GPR31: variants seen among roughly 807,000 people sequenced by gnomAD.
GPR31 encodes G protein-coupled receptor 31.
For synonymous variants in GPR31, 209 were observed against 183.8 expected (o/e 1.14, Z -1.11); for missense variants, 394 against 400.5 (o/e 0.98, Z 0.14).
Position 167,156,462 on chromosome 6 carries a change from G to T in GPR31, c.*410C>A. 6.3e-6 allele frequency: 1 copy of T among 158,500 alleles called. No homozygotes were observed. Among genetic ancestry groups the T allele is most frequent in the Non-Finnish European group, 1.4e-5 (1 of 72,622 alleles). The allele number at this position is 158,500 out of a possible 1,614,324, so 9.8% of individuals were successfully genotyped here. A position where few individuals can be genotyped will look rare whatever the true frequency, so the allele number is the denominator to read the frequency against. Reference sequence around the variant, plus strand: ...TTTTTTTTTTGTATTTAAAACTGAAGCATAATAAATGAAAATGACTTGCTG... The same window carrying T: ...TTTTTTTTTTGTATTTAAAACTGAATCATAATAAATGAAAATGACTTGCTG... On this transcript the variant is annotated 3_prime_UTR_variant, in exon 1 of 1. Transcript: ENST00000366834. This position sits in a 1 kb window ranked among gnomAD's most constrained non-coding sequence, Gnocchi z 4.5.
Position 167,157,901 on chromosome 6 carries a change from A to G in GPR31, c.-70T>C, listed in dbSNP as rs1782085983. The G allele has an allele frequency of 6.8e-6, 10 of 1,467,850 alleles. No homozygotes were observed. Among genetic ancestry groups the G allele is most frequent in the African/African-American group, 1.4e-5 (1 of 70,292 alleles). The allele number at this position is 1,467,850 out of a possible 1,614,324, so 90.9% of individuals were successfully genotyped here. A position where few individuals can be genotyped will look rare whatever the true frequency, so the allele number is the denominator to read the frequency against. On this transcript the variant is annotated 5_prime_UTR_variant, in exon 1 of 1. Coordinates refer to ENST00000366834, the MANE Select transcript of GPR31 (RefSeq NM_005299.3). ...GAGGAACTCTGTGCTCTTTCTTACA[A>G]AATGAAAGAAAAGGCCTTTTCCTGC... is the stretch of plus-strand genomic sequence containing the variant.
rs1433894146 is a variant in GPR31 at position 167,157,636 on chromosome 6, A to G, written c.196T>C (p.Cys66Arg). 6.2e-7 allele frequency: 1 copy of G among 1,613,710 alleles called. No homozygotes were observed. The highest frequency in any genetic ancestry group is 1.3e-5 in the African/African-American group (1 of 74,946). ...TAGAAGGCGGCCAGGAAAGGCAGGC[A>G]CGCAGCCAACAGCAGGTCAGCCAGG... ...LALADLLLAA[C>R]LPFLAAFYLS... is the part of the protein sequence containing the mutation. The change falls in exon 1 of 1, where the codon TGC (cysteine) becomes CGC (arginine). Residue 66 changes from cysteine (C) to arginine (R), a missense_variant. Transcript: ENST00000366834.
Position 167,156,701 on chromosome 6 carries a change from G to C in GPR31, c.*171C>G, listed in dbSNP as rs117446901. On this transcript the variant is annotated 3_prime_UTR_variant, in exon 1 of 1. Transcript: ENST00000366834. The surrounding 1 kb of genome is among the most constrained non-coding windows in gnomAD (Gnocchi z 4.5). ...AGGTAAAATCACAGAGGACCACCCT[G>C]GTCAACAAAGTATAAGACCACACCT... 2.7e-3 allele frequency: 1,925 copies of C among 702,212 alleles called. 12 individuals are homozygous for C. Among genetic ancestry groups the C allele is most frequent in the East Asian group, 0.021 (781 of 36,602 alleles). The allele number at this position is 702,212 out of a possible 1,614,324, so 43.5% of individuals were successfully genotyped here. A position where few individuals can be genotyped will look rare whatever the true frequency, so the allele number is the denominator to read the frequency against.
In GPR31 at chr6:167,157,564, G is replaced by GGGCCCAGCAGCCCACAC. The variant is rs1415290570; in HGVS notation, c.251_267dup (p.Leu90ValfsTer58). 4 of 1,610,298 alleles carry GGGCCCAGCAGCCCACAC rather than the reference G, an allele frequency of 2.5e-6. No homozygotes were observed. Among genetic ancestry groups the GGGCCCAGCAGCCCACAC allele is most frequent in the Non-Finnish European group, 3.4e-6 (4 of 1,177,456 alleles). On this transcript the variant is annotated frameshift_variant, in exon 1 of 1. Transcript: ENST00000366834. LOFTEE classifies it low-confidence loss of function (END_TRUNC). ...CGGCTGAGGTCCAGCAGGAAGTGCA[G>GGGCCCAGCAGCCCACAC]GGCCCAGCAGCCCACACGGCCCAGA...
In GPR31 at chr6:167,156,938, G is replaced by A; in HGVS notation, c.894C>T (p.His298=). ...CTGCCTGCCCTTTGCCTCGGAGGGT[G>A]TGGAAGACCCTCCGATAGGAGCTCC... ...TFRSSYRRVF[H]TLRGKGQAAE... The change falls in exon 1 of 1, where the codon CAC becomes CAT. Residue 298 remains histidine, a synonymous_variant. Transcript: ENST00000366834. This position sits in a 1 kb window ranked among gnomAD's most constrained non-coding sequence, Gnocchi z 4.5. The A allele has an allele frequency of 6.2e-7, 1 of 1,613,650 alleles. No homozygotes were observed.
At position 167,157,409 on chromosome 6, in the gene GPR31, C is replaced by T; in HGVS notation, c.423G>A (p.Leu141=). The T allele has an allele frequency of 1.2e-6, 2 of 1,613,312 alleles. No homozygotes were observed. The highest frequency in any genetic ancestry group is 1.7e-6 in the Non-Finnish European group (2 of 1,180,014). ...ALGVSGLVWL[L]MVALTCPGLL... ...AGCCCGGGCAGGTGAGGGCGACCAT[C>T]AGGAGCCAGACGAGGCCCGAGACCC... is the stretch of plus-strand genomic sequence containing the variant. Residue 141 remains leucine, a synonymous_variant, in exon 1 of 1, where the codon CTG becomes CTA. Coordinates refer to ENST00000366834, the MANE Select transcript of GPR31 (RefSeq NM_005299.3).
rs1782056787 is a variant in GPR31, at chr6:167,155,738, A to T, written c.*1134T>A. Among the ~76,000 whole-genome samples, 2 of 152,272 alleles carry T rather than the reference A, an allele frequency of 1.3e-5. No homozygotes were observed. The highest frequency in any genetic ancestry group is 4.1e-4 in the South Asian group (2 of 4,836). On this transcript the variant is annotated 3_prime_UTR_variant, in exon 1 of 1. Coordinates refer to ENST00000366834, the MANE Select transcript of GPR31 (RefSeq NM_005299.3). ...CAGCTCACCAGGCCCATGTCGTGAC[A>T]AGGCAGGCCTCCCGCCTCCTCTGGG...
At position 167,157,872 on chromosome 6, in the gene GPR31, A is replaced by G. The variant is rs1782085679; in HGVS notation, c.-41T>C. ...GGCTGCAGGCACAGCTGGAGCAGGT[A>G]CAGGAGGAACTCTGTGCTCTTTCTT... On this transcript the variant is annotated 5_prime_UTR_variant, in exon 1 of 1. Coordinates refer to ENST00000366834, the MANE Select transcript of GPR31 (RefSeq NM_005299.3). 1 of 1,556,970 alleles carries G rather than the reference A, an allele frequency of 6.4e-7. No individual in the cohort carries two copies. Among genetic ancestry groups the G allele is most frequent in the Non-Finnish European group, 8.7e-7 (1 of 1,151,980 alleles).
Position 167,156,027 on chromosome 6 carries a change from C to T in GPR31, c.*845G>A, listed in dbSNP as rs1227395228. 2.6e-5 allele frequency among the ~76,000 whole-genome samples: 4 copies of T among 152,216 alleles called. No homozygotes were observed. The highest frequency in any genetic ancestry group is 7.2e-5 in the African/African-American group (3 of 41,456). ...CGAGCACCATTGTCCACCAGCTGTG[C>T]CAGCGGGGTTGGAAATGACCATTTC... On this transcript the variant is annotated 3_prime_UTR_variant, in exon 1 of 1. Transcript: ENST00000366834. The surrounding 1 kb of genome is among the most constrained non-coding windows in gnomAD (Gnocchi z 4.5).
chr6:167,157,031 C>G lies in GPR31; in HGVS notation c.801G>C (p.Thr267=), dbSNP rs751029396. ...LCAVAHTSDV[T]GSLTYLHSVL... is the part of the protein sequence containing the mutation. ...CACTGTGCAGGTAGGTGAGGCTGCC[C>G]GTGACATCCGAGGTATGAGCCACTG... Residue 267 remains threonine (T), a synonymous_variant, in exon 1 of 1, where the codon ACG becomes ACC. Coordinates refer to ENST00000366834, the MANE Select transcript of GPR31 (RefSeq NM_005299.3). The G allele has an allele frequency of 1.9e-6, 3 of 1,614,084 alleles. No individual in the cohort carries two copies. The highest frequency in any genetic ancestry group is 2.2e-5 in the East Asian group (1 of 44,874).
chr6:167,157,947 C>T lies in GPR31; in HGVS notation c.-116G>A. 1 of 1,243,364 alleles carries T rather than the reference C, an allele frequency of 8.0e-7. No homozygotes were observed. Among genetic ancestry groups the T allele is most frequent in the Non-Finnish European group, 1.1e-6 (1 of 910,024 alleles). The allele number at this position is 1,243,364 out of a possible 1,614,324, so 77.0% of individuals were successfully genotyped here. The stretch of plus-strand genomic sequence containing the variant: ...CCTGCCACAGAGTAGACAAGATCTA[C>T]ATTTGCCCAACAAGAACAGTTCCTC... On this transcript the variant is annotated 5_prime_UTR_variant, in exon 1 of 1. It removes an upstream start codon present in the reference 5' UTR. Coordinates refer to ENST00000366834, the MANE Select transcript of GPR31 (RefSeq NM_005299.3).
chr6:167,156,727 G>T lies in GPR31; in HGVS notation c.*145C>A. The T allele has an allele frequency of 1.1e-6, 1 of 901,020 alleles. No individual in the cohort carries two copies. The highest frequency in any genetic ancestry group is 1.7e-6 in the Non-Finnish European group (1 of 586,926). The allele number at this position is 901,020 out of a possible 1,614,324, so 55.8% of individuals were successfully genotyped here. On this transcript the variant is annotated 3_prime_UTR_variant, in exon 1 of 1. Coordinates refer to ENST00000366834, the MANE Select transcript of GPR31 (RefSeq NM_005299.3). This position sits in a 1 kb window ranked among gnomAD's most constrained non-coding sequence, Gnocchi z 4.5. ...GTCAACAAAGTATAAGACCACACCT[G>T]CAGCAACTGTGCCCATGTTTATGCT... is the stretch of plus-strand genomic sequence containing the variant.
In GPR31 at chr6:167,156,711, G is replaced by T; in HGVS notation, c.*161C>A. The T allele has an allele frequency of 1.3e-6, 1 of 788,264 alleles. No homozygotes were observed. Among genetic ancestry groups the T allele is most frequent in the Non-Finnish European group, 2.0e-6 (1 of 496,166 alleles). The allele number at this position is 788,264 out of a possible 1,614,324, so 48.8% of individuals were successfully genotyped here. ...ACAGAGGACCACCCTGGTCAACAAA[G>T]TATAAGACCACACCTGCAGCAACTG... On this transcript the variant is annotated 3_prime_UTR_variant, in exon 1 of 1. Transcript: ENST00000366834. This position sits in a 1 kb window ranked among gnomAD's most constrained non-coding sequence, Gnocchi z 4.5.
chr6:167,156,814 T>C lies in GPR31; in HGVS notation c.*58A>G. Reference sequence around the variant, plus strand: ...TTCCAGAATCCCAAAGTAGGAGTAATTATTATTTAGGTCGCAGGTAGTTCC... The same window carrying C: ...TTCCAGAATCCCAAAGTAGGAGTAACTATTATTTAGGTCGCAGGTAGTTCC... On this transcript the variant is annotated 3_prime_UTR_variant, in exon 1 of 1. Coordinates refer to ENST00000366834, the MANE Select transcript of GPR31 (RefSeq NM_005299.3). This position sits in a 1 kb window ranked among gnomAD's most constrained non-coding sequence, Gnocchi z 4.5. 4.7e-6 allele frequency: 7 copies of C among 1,504,770 alleles called. No individual in the cohort carries two copies. The highest frequency in any genetic ancestry group is 6.2e-6 in the Non-Finnish European group (7 of 1,121,536). 93.2% of individuals were successfully genotyped at this position (1,504,770 alleles called of 1,614,324 possible). A position where few individuals can be genotyped will look rare whatever the true frequency, so the allele number is the denominator to read the frequency against.
chr6:167,157,050 G>A lies in GPR31; in HGVS notation c.782C>T (p.Ala261Val). Residue 261 changes from alanine (A) to valine (V), a missense_variant, in exon 1 of 1, where the codon GCT (alanine) becomes GTT (valine). Physicochemically the swap from Ala to Val is moderately conservative, Grantham distance 64. Transcript: ENST00000366834. ...LGSCRALCAV[A>V]HTSDVTGSLT... ...GCTGCCCGTGACATCCGAGGTATGA[G>A]CCACTGCACAAAGGGCCCTGCAGCT... 6.2e-7 allele frequency: 1 copy of A among 1,614,166 alleles called. No individual in the cohort carries two copies. The highest frequency in any genetic ancestry group is 8.5e-7 in the Non-Finnish European group (1 of 1,180,016).
Position 167,156,829 on chromosome 6 carries a change from C to G in GPR31, c.*43G>C. ...GTAGGAGTAATTATTATTTAGGTCGCAGGTAGTTCCATAAACACGGGCGTT... is the reference window on the plus strand; with the variant it reads ...GTAGGAGTAATTATTATTTAGGTCGGAGGTAGTTCCATAAACACGGGCGTT... On this transcript the variant is annotated 3_prime_UTR_variant, in exon 1 of 1. Transcript: ENST00000366834. The surrounding 1 kb of genome is among the most constrained non-coding windows in gnomAD (Gnocchi z 4.5). 6.6e-7 allele frequency: 1 copy of G among 1,526,680 alleles called. No homozygotes were observed. Among genetic ancestry groups the G allele is most frequent in the Non-Finnish European group, 8.8e-7 (1 of 1,139,404 alleles). The allele number at this position is 1,526,680 out of a possible 1,614,324, so 94.6% of individuals were successfully genotyped here.
chr6:167,155,542 T>G lies in GPR31; in HGVS notation c.*1330A>C, dbSNP rs565786911. On this transcript the variant is annotated 3_prime_UTR_variant, in exon 1 of 1. Coordinates refer to ENST00000366834, the MANE Select transcript of GPR31 (RefSeq NM_005299.3). ...CATTTTCTGTTGCCTAGAGCCATCA[T>G]TTTTGACCTCGAATTTGACAGAAAG... Among the ~76,000 whole-genome samples the G allele has an allele frequency of 6.6e-6, 1 of 152,370 alleles. No homozygotes were observed. The highest frequency in any genetic ancestry group is 2.4e-5 in the African/African-American group (1 of 41,594).
rs372233666 is a variant in GPR31, at chr6:167,156,852, G to A, written c.*20C>T. 65 of 1,550,640 alleles carry A rather than the reference G, an allele frequency of 4.2e-5. No individual in the cohort carries two copies. The Middle Eastern group carries it at 1.6e-3, about 37-fold the overall frequency. Reference sequence around the variant, plus strand: ...CGCAGGTAGTTCCATAAACACGGGCGTTGAGGACGCTGGCTGTTGTCAGGA... The same window carrying A: ...CGCAGGTAGTTCCATAAACACGGGCATTGAGGACGCTGGCTGTTGTCAGGA... On this transcript the variant is annotated 3_prime_UTR_variant, in exon 1 of 1. Coordinates refer to ENST00000366834, the MANE Select transcript of GPR31 (RefSeq NM_005299.3). This position sits in a 1 kb window ranked among gnomAD's most constrained non-coding sequence, Gnocchi z 4.5.
chr6:167,157,616 G>C lies in GPR31; in HGVS notation c.216C>G (p.Ala72=), dbSNP rs34979628. ...LLAACLPFLA[A]FYLSLQAWHL... ...GCCAAGCCTGGAGGCTCAGGTAGAA[G>C]GCGGCCAGGAAAGGCAGGCACGCAG... Residue 72 remains alanine (A), a synonymous_variant, in exon 1 of 1, where the codon GCC becomes GCG. Coordinates refer to ENST00000366834, the MANE Select transcript of GPR31 (RefSeq NM_005299.3). 6.2e-7 allele frequency: 1 copy of C among 1,613,638 alleles called. No homozygotes were observed. Among genetic ancestry groups the C allele is most frequent in the South Asian group, 1.1e-5 (1 of 91,076 alleles).
Sources: gnomAD v4.1 joint callset for allele counts (sites outside exome capture counted in the v4.1 genomes callset) on GRCh38, gnomAD v4.1.1 for gene constraint, Gnocchi (gnomAD v3.1) non-coding constraint, MANE v1.5 for transcripts, NCBI Gene and HGNC (gene_info 2026-07-23, HGNC 2026-07-21) for gene names.